Variants in LPCAT2 observed in about 807,000 individuals in gnomAD.
The protein encoded by LPCAT2 is 1-AGP acyltransferase 11.
In LPCAT2, 58 loss-of-function variants were observed where a neutral mutation model predicts 64.7. That is an observed-to-expected ratio of 0.90 (90% confidence interval 0.73 to 1.12). The LOEUF (loss-of-function observed/expected upper bound fraction) is 1.12. LPCAT2 is among the 50% of genes most tolerant of loss of function. The pLI is 0.00. For missense variants in LPCAT2, 579 were observed against 669.8 expected, an observed-to-expected ratio of 0.86 and a Z score of 1.50; for synonymous variants, 252 against 245.3, an observed-to-expected ratio of 1.03 and a Z score of -0.26.
chr16:55,511,542 A>G (rs1333531222), intron 1 of LPCAT2, among the ~76,000 whole-genome samples: 1 of 152,224 alleles, frequency 6.6e-6, no homozygotes, highest in Non-Finnish European at 1.5e-5. Flanking sequence ...AACAAGTACA[A>G]AAATATATAA....
At chr16:55,570,283 C>T (rs1963754891) in intron 11 of LPCAT2, among the ~76,000 whole-genome samples, 1 of 152,076 alleles carries the variant, frequency 6.6e-6, no homozygotes, top group Non-Finnish European at 1.5e-5. Context: ...GGTAGCGGTG[C>T]ATGTGTTTTT....
intron 10 of LPCAT2, among the ~76,000 whole-genome samples, chr16:55,550,691 G>C (rs373726066): frequency 2.0e-5 from 3 of 152,090 alleles, no homozygotes; most frequent in Non-Finnish European, 4.4e-5. Flanking sequence ...CGAGGCAGGC[G>C]GATCACGAGG....
chr16:55,528,583 C>T lies in LPCAT2; in HGVS notation c.518C>T (p.Pro173Leu), dbSNP rs1411906650. The change falls in exon 3 of 14, where the codon CCT (proline) becomes CTT (leucine). Residue 173 changes from proline to leucine, a missense_variant. Coordinates refer to ENST00000262134, the MANE Select transcript of LPCAT2 (RefSeq NM_017839.5). The stretch of plus-strand genomic sequence containing the variant: ...TCTCGAAATGAGAATGCACAAGTCC[C>T]TCTGATTGGCAGTAAGTACTTGTAA... The part of the protein sequence containing the change: ...MVSRNENAQV[P>L]LIGRLLRAVQ... 11 of 1,610,848 alleles carry T rather than the reference C, an allele frequency of 6.8e-6. No individual in the cohort carries two copies.
At chr16:55,566,404 T>C (rs1963696816) in intron 11 of LPCAT2, among the ~76,000 whole-genome samples, 1 of 152,158 alleles carries the variant, frequency 6.6e-6, no homozygotes, top group Non-Finnish European at 1.5e-5. Context: ...AAAATGCACA[T>C]CATTTTTTAG....
intron 6 of LPCAT2, among the ~76,000 whole-genome samples, chr16:55,533,641 G>C (rs1363618864): frequency 6.6e-6 from 1 of 152,036 alleles, no homozygotes; most frequent in African/African-American, 2.4e-5. Context: ...TTGAACTCCT[G>C]ACCTCAAGTA....
intron 12 of LPCAT2, 63 bp downstream of exon 12, chr16:55,574,792 T>C (rs1035989518): frequency 1.7e-6 from 2 of 1,187,850 alleles, no homozygotes; most frequent in Admixed American, 1.7e-5. Context: ...ACTCTAAGTG[T>C]ATTATTTGAA....
intron 13 of LPCAT2, among the ~76,000 whole-genome samples, chr16:55,581,338 T>C (rs1301698942): frequency 6.6e-6 from 1 of 152,230 alleles, no homozygotes; most frequent in Non-Finnish European, 1.5e-5. Context: ...ACAAGAACCT[T>C]TATTTTGGAA....
intron 6 of LPCAT2, among the ~76,000 whole-genome samples, chr16:55,533,688 C>T (rs1963286680): frequency 6.6e-6 from 1 of 152,108 alleles, no homozygotes; most frequent in Non-Finnish European, 1.5e-5. Flanking sequence ...GCTGGGATTA[C>T]AGGCATGAGC....
intron 11 of LPCAT2, among the ~76,000 whole-genome samples, chr16:55,573,775 C>A (rs569455111): frequency 6.6e-6 from 1 of 152,128 alleles, no homozygotes; most frequent in Non-Finnish European, 1.5e-5. Context: ...TCTACTCCCT[C>A]TTTCTTTTTT....
chr16:55,511,516 C>T (rs1567388084), intron 1 of LPCAT2, among the ~76,000 whole-genome samples: 1 of 152,112 alleles, frequency 6.6e-6, no homozygotes, highest in Admixed American at 6.5e-5. Flanking sequence ...TCACATTTCA[C>T]TAAGATAGTT....
intron 8 of LPCAT2, chr16:55,540,382 C>A (rs1190653911): frequency 6.6e-6 from 1 of 152,064 alleles, no homozygotes; most frequent in Non-Finnish European, 1.5e-5. Context: ...TTTAGTCATA[C>A]TTTTATTAAC....
In LPCAT2 at chr16:55,585,301, A is replaced by G. The variant is rs1314110424; in HGVS notation, c.*2203A>G. 1 of 152,220 alleles carries G rather than the reference A, an allele frequency of 6.6e-6. No individual in the cohort carries two copies. The highest frequency in any genetic ancestry group is 1.5e-5 in the Non-Finnish European group (1 of 68,030). The allele number at this position is 152,220 out of a possible 1,614,324, so 9.4% of individuals were successfully genotyped here. On this transcript the variant is annotated 3_prime_UTR_variant, in exon 14 of 14. Coordinates refer to ENST00000262134, the MANE Select transcript of LPCAT2 (RefSeq NM_017839.5). ...TTTGCATTAAACTTTATGAAATGTC[A>G]GAAATGATTTTACTCTAATGAAACT...
intron 11 of LPCAT2, among the ~76,000 whole-genome samples, chr16:55,568,263 A>C (rs2142414926): frequency 6.6e-6 from 1 of 152,336 alleles, no homozygotes; most frequent in South Asian, 2.1e-4. Flanking sequence ...TTAATGAATC[A>C]AAATGTTTGC....
intron 11 of LPCAT2, among the ~76,000 whole-genome samples, chr16:55,564,549 T>C (rs1254292033): frequency 6.6e-6 from 1 of 151,944 alleles, no homozygotes; most frequent in Non-Finnish European, 1.5e-5. Flanking sequence ...CTTGTGTATA[T>C]GGTCATATGA....
intron 11 of LPCAT2, among the ~76,000 whole-genome samples, chr16:55,567,906 A>C (rs1300856906): frequency 1.3e-5 from 2 of 152,202 alleles, no homozygotes; most frequent in African/African-American, 4.8e-5. Flanking sequence ...GAAAGCCCTC[A>C]GGAGATACAT....
intron 1 of LPCAT2, among the ~76,000 whole-genome samples, chr16:55,516,817 C>T (rs1304877751): frequency 3.9e-5 from 6 of 152,206 alleles, no homozygotes; most frequent in Non-Finnish European, 2.9e-5. Context: ...GAACACTCAA[C>T]AACAGCAGAA....
chr16:55,528,663 A>G, intron 3 of LPCAT2, 69 bp downstream of exon 3: 1 of 1,169,928 alleles, frequency 8.5e-7, no homozygotes, highest in Non-Finnish European at 1.2e-6. Flanking sequence ...ATAATCATAT[A>G]TAGTTCATTG....
At chr16:55,515,695 A>G (rs977600873) in intron 1 of LPCAT2, among the ~76,000 whole-genome samples, 7 of 152,222 alleles carry the variant, frequency 4.6e-5, no homozygotes, top group Non-Finnish European at 8.8e-5. Flanking sequence ...ATAAAGACAT[A>G]ATTTGTATAA....
At position 55,585,422 on chromosome 16, in the gene LPCAT2, T is replaced by C. The variant is rs916426376; in HGVS notation, c.*2324T>C. 5.3e-5 allele frequency: 8 copies of C among 152,338 alleles called. No homozygotes were observed. Among genetic ancestry groups the C allele is most frequent in the African/African-American group, 1.7e-4 (7 of 41,588 alleles). The allele number at this position is 152,338 out of a possible 1,614,324, so 9.4% of individuals were successfully genotyped here. Reference sequence around the variant, plus strand: ...ACACAAGTCGTGATCATCAATATTATTGCAGACCAGGACTCTGCTTATATG... The same window carrying C: ...ACACAAGTCGTGATCATCAATATTACTGCAGACCAGGACTCTGCTTATATG... On this transcript the variant is annotated 3_prime_UTR_variant, in exon 14 of 14. Coordinates refer to ENST00000262134, the MANE Select transcript of LPCAT2 (RefSeq NM_017839.5).
Sources: gnomAD v4.1 joint callset for allele counts (sites outside exome capture counted in the v4.1 genomes callset) on GRCh38, gnomAD v4.1.1 for gene constraint, MANE v1.5 for transcripts, NCBI Gene and HGNC (gene_info 2026-07-23, HGNC 2026-07-21) for gene names.